The following MAST2 variants were observed in gnomAD, a reference collection of about 807,000 sequenced individuals.
The protein encoded by MAST2 is microtubule-associated serine/threonine-protein kinase 2.
MAST2 carries 70 observed loss-of-function variants against 147.4 expected under a neutral mutation model. The ratio of observed to expected loss-of-function variants is 0.47; its 90% CI spans 0.39 to 0.58. MAST2 has a LOEUF of 0.58. MAST2 is among the 20% of genes least tolerant of loss of function. MAST2 has a pLI of 0.00. For missense variants in MAST2, 2,080 were observed against 2,302.3 expected (o/e 0.90, Z 1.98); for synonymous variants, 869 against 896.8 (o/e 0.97, Z 0.55).
intron 3 of MAST2, among the ~76,000 whole-genome samples, chr1:45,878,498 A>G (rs1646702810): frequency 6.6e-6 from 1 of 152,166 alleles, no homozygotes; most frequent in Non-Finnish European, 1.5e-5. Context: ...ATGAGAAGCA[A>G]GACGAGGATG....
intron 4 of MAST2, among the ~76,000 whole-genome samples, chr1:45,936,676 A>G (rs772801942): frequency 4.6e-5 from 7 of 151,968 alleles, no homozygotes; most frequent in Non-Finnish European, 8.8e-5. Flanking sequence ...GACTGGCACC[A>G]CTGTTCTCTT....
intron 5 of MAST2, among the ~76,000 whole-genome samples, chr1:45,966,906 A>C (rs1265416270): frequency 1.6e-5 from 2 of 128,390 alleles, no homozygotes; most frequent in African/African-American, 6.1e-5. Context: ...TCACGCCATC[A>C]TTCAGGTTGG....
At chr1:45,912,224 G>T (rs1021034587) in intron 4 of MAST2, among the ~76,000 whole-genome samples, 1 of 152,108 alleles carries the variant, frequency 6.6e-6, no homozygotes, top group Non-Finnish European at 1.5e-5. Flanking sequence ...AGGTGGGTGA[G>T]TTTGCTTGGG....
chr1:45,815,906 G>A (rs905445348), intron 1 of MAST2, among the ~76,000 whole-genome samples: 2 of 152,218 alleles, frequency 1.3e-5, no homozygotes, highest in Admixed American at 6.5e-5. Context: ...TGCCTAGGAG[G>A]AAGGTGAATC....
intron 3 of MAST2, among the ~76,000 whole-genome samples, chr1:45,841,964 T>C (rs999532034): frequency 9.2e-5 from 14 of 152,200 alleles, no homozygotes; most frequent in Non-Finnish European, 1.9e-4. Context: ...TAGTTACTTA[T>C]AAATTTTTGG....
intron 27 of MAST2, 41 bp downstream of exon 27, chr1:46,033,979 T>G (rs771083861): frequency 1.9e-6 from 3 of 1,611,726 alleles, no homozygotes; most frequent in South Asian, 2.2e-5. Context: ...CTGAGCCACA[T>G]GAGTGCTGGT....
At chr1:45,905,507 G>T (rs909818219) in intron 4 of MAST2, among the ~76,000 whole-genome samples, 1 of 152,130 alleles carries the variant, frequency 6.6e-6, no homozygotes, top group Non-Finnish European at 1.5e-5. Context: ...GGCTGTGCGC[G>T]GTGGCTCACG....
chr1:45,902,067 G>C (rs2148492141), intron 4 of MAST2, among the ~76,000 whole-genome samples: 1 of 152,286 alleles, frequency 6.6e-6, no homozygotes. Flanking sequence ...ATTTCTTAGA[G>C]GGAATGTTTT....
At chr1:45,844,736 T>A (rs935419662) in intron 3 of MAST2, among the ~76,000 whole-genome samples, 1 of 152,190 alleles carries the variant, frequency 6.6e-6, no homozygotes, top group Non-Finnish European at 1.5e-5. Context: ...TCTAAATTTT[T>A]AAAAGGCATT....
chr1:45,878,801 A>G (rs1259408670), intron 3 of MAST2, among the ~76,000 whole-genome samples: 1 of 152,126 alleles, frequency 6.6e-6, no homozygotes, highest in African/African-American at 2.4e-5. Context: ...TGTTTTTGTT[A>G]AAAACGATAA....
intron 4 of MAST2, among the ~76,000 whole-genome samples, chr1:45,903,588 T>C (rs1650171460): frequency 6.6e-6 from 1 of 152,224 alleles, no homozygotes; most frequent in Non-Finnish European, 1.5e-5. Context: ...TTAGTTTCCA[T>C]GTACTTGTGT....
intron 3 of MAST2, among the ~76,000 whole-genome samples, chr1:45,867,398 A>G (rs1300765939): frequency 6.6e-6 from 1 of 152,204 alleles, no homozygotes; most frequent in Non-Finnish European, 1.5e-5. Flanking sequence ...TGATACCTCC[A>G]GGTTTTTCCG....
At chr1:45,823,434 C>G (rs777279197) in intron 1 of MAST2, among the ~76,000 whole-genome samples, 2 of 151,382 alleles carry the variant, frequency 1.3e-5, no homozygotes, top group Non-Finnish European at 2.9e-5. Flanking sequence ...CTCCTGGGTT[C>G]AAGCAATTCT....
intron 9 of MAST2, among the ~76,000 whole-genome samples, chr1:46,009,309 C>T (rs1645619300): frequency 6.6e-6 from 1 of 152,224 alleles, no homozygotes; most frequent in African/African-American, 2.4e-5. Flanking sequence ...CTGCCTCAGC[C>T]TCCCAAAGTG....
intron 4 of MAST2, among the ~76,000 whole-genome samples, chr1:45,935,928 A>G (rs1349219400): frequency 2.6e-5 from 4 of 152,230 alleles, no homozygotes; most frequent in Admixed American, 2.0e-4. Context: ...TAACTCTGTG[A>G]AAAACGTCGT....
In MAST2 at chr1:46,034,578, C is replaced by A; in HGVS notation, c.3909C>A (p.Ser1303Arg). 1 of 1,613,948 alleles carries A rather than the reference C, an allele frequency of 6.2e-7. No individual in the cohort carries two copies. The highest frequency in any genetic ancestry group is 1.1e-5 in the South Asian group (1 of 91,044). Residue 1303 changes from serine to arginine, a missense_variant, in exon 29 of 29, where the codon AGC becomes AGA. By Grantham distance (110) the Ser-to-Arg change is moderately radical. Transcript: ENST00000361297. ...NSSQSSSPSS[S>R]VPSSPAGSGH... ...CACAGAGCAGCTCCCCCAGCTCCAG[C>A]GTGCCCAGTTCCCCAGCCGGCTCTG...
intron 4 of MAST2, among the ~76,000 whole-genome samples, chr1:45,936,279 A>G (rs534122028): frequency 5.9e-4 from 90 of 152,316 alleles, no homozygotes; most frequent in African/African-American, 2.1e-3. Context: ...TATCAGATCT[A>G]GGAACCTTTG....
At chr1:45,959,288 C>A in intron 4 of MAST2, 98 bp from the exon 5 acceptor site, 2 of 835,414 alleles carry the variant, frequency 2.4e-6, no homozygotes, top group Non-Finnish European at 2.0e-6. Context: ...CTGTGCGGCC[C>A]GTGGAATGGT....
At chr1:46,011,790 C>T (rs1645725764) in intron 10 of MAST2, among the ~76,000 whole-genome samples, 1 of 152,086 alleles carries the variant, frequency 6.6e-6, no homozygotes, top group South Asian at 2.1e-4. Context: ...TCAGTGTGTT[C>T]GTCTAGAAAT....
Sources: gnomAD v4.1 joint callset for allele counts (sites outside exome capture counted in the v4.1 genomes callset) on GRCh38, gnomAD v4.1.1 for gene constraint, MANE v1.5 for transcripts, NCBI Gene and HGNC (gene_info 2026-07-23, HGNC 2026-07-21) for gene names.